TC2N: variants seen among roughly 807,000 people sequenced by gnomAD.
TC2N encodes the protein tandem C2 domains, nuclear.
Under a neutral mutation model 61.9 loss-of-function variants are expected in TC2N, and 51 were observed. That is an observed-to-expected ratio of 0.82 (90% CI 0.66 to 1.04). The LOEUF (loss-of-function observed/expected upper bound fraction) is 1.04, where lower values mean the gene tolerates loss of function less well. TC2N is among the 50% of genes least tolerant of loss of function. TC2N has a pLI of 0.00. For missense variants in TC2N, 556 were observed against 566.7 expected (o/e 0.98, Z 0.19); for synonymous variants, 204 against 192.6 (o/e 1.06, Z -0.49).
chr14:91,855,481 A>G (rs1483242074), intron 1 of TC2N, among the ~76,000 whole-genome samples: 2 of 152,126 alleles, frequency 1.3e-5, no homozygotes, highest in Non-Finnish European at 1.5e-5. Context: ...CTCTGCTTCC[A>G]TCTTTGTGTG....
chr14:91,812,678 A>G, intron 2 of TC2N, 133 bp from the exon 3 acceptor site: 1 of 532,608 alleles, frequency 1.9e-6, no homozygotes, highest in East Asian at 2.8e-5. Flanking sequence ...CTTGGGTCTT[A>G]CCAAACACTT....
chr14:91,792,100 C>T (rs1171302501), intron 9 of TC2N, among the ~76,000 whole-genome samples: 2 of 150,022 alleles, frequency 1.3e-5, no homozygotes, highest in Non-Finnish European at 3.0e-5. Context: ...GCCTGGGCGA[C>T]AGAGCGAGAC....
At chr14:91,828,242 T>C (rs1327032012) in intron 1 of TC2N, among the ~76,000 whole-genome samples, 5 of 152,138 alleles carry the variant, frequency 3.3e-5, no homozygotes, top group Non-Finnish European at 7.4e-5. Flanking sequence ...ATAGCAAATA[T>C]AAAATAAATC....
chr14:91,836,524 C>G (rs1280300314), intron 1 of TC2N: 1 of 97,030 alleles, frequency 1.0e-5, no homozygotes, highest in Non-Finnish European at 2.3e-5. Flanking sequence ...CGTACCCACT[C>G]CCACACCACC....
chr14:91,839,077 A>G (rs932435867), intron 1 of TC2N, among the ~76,000 whole-genome samples: 21 of 152,180 alleles, frequency 1.4e-4, no homozygotes, highest in African/African-American at 5.1e-4. Flanking sequence ...GTGTGTATCA[A>G]TTCTTTCATT....
chr14:91,857,929 A>T (rs1201889955), intron 1 of TC2N, among the ~76,000 whole-genome samples: 1 of 152,058 alleles, frequency 6.6e-6, no homozygotes, highest in African/African-American at 2.4e-5. Context: ...ACAGAGTAGA[A>T]GCTTGAAGAA....
intron 1 of TC2N, among the ~76,000 whole-genome samples, chr14:91,851,758 G>A (rs1005159983): frequency 3.3e-5 from 5 of 152,134 alleles, no homozygotes; most frequent in African/African-American, 7.2e-5. Flanking sequence ...CAGCATATGG[G>A]CAAACAGACC....
intron 1 of TC2N, among the ~76,000 whole-genome samples, chr14:91,851,184 C>T (rs562722823): frequency 6.6e-5 from 10 of 152,310 alleles, no homozygotes; most frequent in South Asian, 2.1e-4. Flanking sequence ...TTGTCTTCCA[C>T]GAAACTGGTC....
intron 1 of TC2N, among the ~76,000 whole-genome samples, chr14:91,850,041 C>T (rs1004679959): frequency 8.7e-6 from 1 of 114,364 alleles, no homozygotes; most frequent in African/African-American, 3.3e-5. Flanking sequence ...AAGAGTGAAA[C>T]TCCATCTCAA....
At chr14:91,814,056 G>A (rs770083210) in intron 1 of TC2N, among the ~76,000 whole-genome samples, 122 of 147,002 alleles carry the variant, frequency 8.3e-4, no homozygotes, top group Middle Eastern at 3.5e-3. Flanking sequence ...TTAAAATCTG[G>A]AAAAAAAAAG....
At position 91,787,630 on chromosome 14, in the gene TC2N, G is replaced by A. The variant is rs369814957; in HGVS notation, c.1048-3C>T. 1,100 of 1,558,072 alleles carry A rather than the reference G, an allele frequency of 7.1e-4. No homozygotes were observed. The highest frequency in any genetic ancestry group is 9.2e-4 in the Non-Finnish European group (1,050 of 1,140,602). On this transcript the variant is annotated splice_region_variant and splice_polypyrimidine_tract_variant and intron_variant, in intron 9 of 11. Coordinates refer to ENST00000435962, the MANE Select transcript of TC2N (RefSeq NM_001128596.3). ...AATTCAAGTTCTGCATGGCAAACCT[G>A]CATATCAAAAAAGTGTCATTTGGTA...
At position 91,816,203 on chromosome 14, in the gene TC2N, T is replaced by C. The variant is rs370612696; in HGVS notation, c.-56-2378A>G. Among the ~76,000 whole-genome samples, 42 of 151,824 alleles carry C rather than the reference T, an allele frequency of 2.8e-4. No homozygotes were observed. The South Asian group carries it at 8.3e-3, about 30-fold the overall frequency. ...TGTAATTTTGCTTGTATTGCCAAAA[T>C]TCTCTCTGAAGCACACCATTTTGCA... is the stretch of plus-strand genomic sequence containing the variant. On this transcript the variant is annotated intron_variant, in intron 1 of 11. Coordinates refer to ENST00000435962, the MANE Select transcript of TC2N (RefSeq NM_001128596.3).
At chr14:91,802,874 A>G (rs1454722172) in intron 3 of TC2N, among the ~76,000 whole-genome samples, 1 of 152,172 alleles carries the variant, frequency 6.6e-6, no homozygotes, top group African/African-American at 2.4e-5. Context: ...TCTTACTACA[A>G]TGCAATTAAG....
Position 91,783,080 on chromosome 14 carries a change from C to T in TC2N, c.*20G>A, listed in dbSNP as rs1345329943. The T allele has an allele frequency of 7.0e-7, 1 of 1,430,060 alleles. No individual in the cohort carries two copies. The highest frequency in any genetic ancestry group is 1.2e-5 in the South Asian group (1 of 85,186). The allele number at this position is 1,430,060 out of a possible 1,614,324, so 88.6% of individuals were successfully genotyped here. A position where few individuals can be genotyped will look rare whatever the true frequency, so the allele number is the denominator to read the frequency against. ...TCTAAAAGAATGTCAAGTTCTTCACCAAATTAATGTGTGAAGTCTTCAAGA... is the reference window on the plus strand; with the variant it reads ...TCTAAAAGAATGTCAAGTTCTTCACTAAATTAATGTGTGAAGTCTTCAAGA... On this transcript the variant is annotated 3_prime_UTR_variant, in exon 12 of 12. Coordinates refer to ENST00000435962, the MANE Select transcript of TC2N (RefSeq NM_001128596.3).
intron 1 of TC2N, among the ~76,000 whole-genome samples, chr14:91,853,677 C>G (rs1244215901): frequency 6.8e-6 from 1 of 147,612 alleles, no homozygotes; most frequent in Non-Finnish European, 1.5e-5. Context: ...CACACACACA[C>G]ACACACACAC....
chr14:91,845,406 A>ATG (rs1888251912), intron 1 of TC2N, among the ~76,000 whole-genome samples: 1 of 152,196 alleles, frequency 6.6e-6, no homozygotes, highest in South Asian at 2.1e-4. Context: ...ACCCAAAGCT[A>ATG]TGTGTGACTC....
intron 1 of TC2N, among the ~76,000 whole-genome samples, chr14:91,842,291 C>T (rs1888178623): frequency 6.6e-6 from 1 of 151,682 alleles, no homozygotes; most frequent in South Asian, 2.1e-4. Context: ...GACCTCCTTC[C>T]CCTACACTAT....
chr14:91,845,048 C>G (rs986024344), intron 1 of TC2N, among the ~76,000 whole-genome samples: 5 of 151,850 alleles, frequency 3.3e-5, no homozygotes, highest in Non-Finnish European at 5.9e-5. Flanking sequence ...ACCAGCCTGG[C>G]CAACATGGCG....
chr14:91,838,234 C>T (rs1888100046), intron 1 of TC2N, among the ~76,000 whole-genome samples: 2 of 151,588 alleles, frequency 1.3e-5, no homozygotes, highest in Admixed American at 6.6e-5. Context: ...TCTCAAACTC[C>T]TGGGCTCCAG....
Sources: allele counts gnomAD v4.1 joint callset (sites outside exome capture counted in the v4.1 genomes callset), GRCh38; gene constraint gnomAD v4.1.1; transcripts MANE v1.5; gene names NCBI Gene and HGNC (gene_info 2026-07-23, HGNC 2026-07-21).